SDK2: variants seen among roughly 807,000 people sequenced by gnomAD.
SDK2 encodes the protein protein sidekick-2.
Under a neutral mutation model 253.9 loss-of-function variants are expected in SDK2, and 105 were observed. The ratio of observed to expected loss-of-function variants is 0.41; its 90% CI spans 0.35 to 0.49. The LOEUF is 0.49. SDK2 is among the 20% of genes least tolerant of loss of function. SDK2 has a pLI of 0.06. For synonymous variants in SDK2, 1,249 were observed against 1,234.9 expected, an observed-to-expected ratio of 1.01 and a Z score of -0.24; for missense variants, 2,608 against 3,003.0, an observed-to-expected ratio of 0.87 and a Z score of 3.07.
At chr17:73,539,557 T>C (rs982169036) in intron 1 of SDK2, among the ~76,000 whole-genome samples, 1 of 151,972 alleles carries the variant, frequency 6.6e-6, no homozygotes, top group African/African-American at 2.4e-5. Context: ...CAAGGACCCT[T>C]TGGTGAAAGC....
chr17:73,496,387 G>A lies in SDK2; in HGVS notation c.224+11051C>T, dbSNP rs1368559959. Among the ~76,000 whole-genome samples the A allele has an allele frequency of 6.6e-6, 1 of 152,176 alleles. No homozygotes were observed. The highest frequency in any genetic ancestry group is 2.4e-5 in the African/African-American group (1 of 41,448). On this transcript the variant is annotated intron_variant, in intron 2 of 44. Coordinates refer to ENST00000392650, the MANE Select transcript of SDK2 (RefSeq NM_001144952.2). The surrounding 1 kb of genome is among the most constrained non-coding windows in gnomAD (Gnocchi z 4.7). ...AGGTGGGATGCTGGGGCTGGATCTG[G>A]GAAGATAAACAACGGTTTGCCAGGT...
At chr17:73,584,529 G>A (rs920136967) in intron 1 of SDK2, among the ~76,000 whole-genome samples, 3 of 152,200 alleles carry the variant, frequency 2.0e-5, no homozygotes, top group African/African-American at 4.8e-5. Flanking sequence ...CCTGCTCTCC[G>A]ACTGTAGGAG....
intron 1 of SDK2, among the ~76,000 whole-genome samples, chr17:73,634,731 G>A (rs138989734): frequency 5.3e-4 from 81 of 152,310 alleles, no homozygotes; most frequent in South Asian, 1.9e-3. Context: ...GGCCCCAAAC[G>A]GACCTTGCTT....
At chr17:73,605,475 T>G (rs576357223) in intron 1 of SDK2, among the ~76,000 whole-genome samples, 1 of 152,028 alleles carries the variant, frequency 6.6e-6, no homozygotes, top group African/African-American at 2.4e-5. Context: ...GGGTTCTTCA[T>G]GTCTTGGAGA....
At chr17:73,502,303 G>A (rs1311848870) in intron 2 of SDK2, among the ~76,000 whole-genome samples, 1 of 152,198 alleles carries the variant, frequency 6.6e-6, no homozygotes, top group Non-Finnish European at 1.5e-5. Context: ...CTTACTCAGA[G>A]CCTGGGGTTT....
Position 73,609,427 on chromosome 17 carries a change from G to A in SDK2, c.64+34598C>T, listed in dbSNP as rs770834346. On this transcript the variant is annotated intron_variant, in intron 1 of 44. Transcript: ENST00000392650. The surrounding 1 kb of genome is among the most constrained non-coding windows in gnomAD (Gnocchi z 4.4). ...AGAGAAGACCACGATGGACCTAGTC[G>A]CAGGGCTGAGAACCAGCCCCAGCAG... Among the ~76,000 whole-genome samples the A allele has an allele frequency of 5.3e-5, 8 of 152,148 alleles. No individual in the cohort carries two copies. Among genetic ancestry groups the A allele is most frequent in the Non-Finnish European group, 2.9e-5 (2 of 68,034 alleles).
At chr17:73,421,072 C>A (rs2063225884) in intron 15 of SDK2, among the ~76,000 whole-genome samples, 3 of 152,204 alleles carry the variant, frequency 2.0e-5, no homozygotes. Flanking sequence ...AGGGTAGCTT[C>A]CCCTACACTT....
chr17:73,421,087 C>CCT (rs1224300606), intron 15 of SDK2, among the ~76,000 whole-genome samples: 1 of 152,360 alleles, frequency 6.6e-6, no homozygotes, highest in East Asian at 1.9e-4. Context: ...ACACTTTCAG[C>CCT]CTCTCTGTTG....
intron 1 of SDK2, among the ~76,000 whole-genome samples, chr17:73,539,898 C>T (rs562351175): frequency 6.6e-6 from 1 of 151,382 alleles, no homozygotes; most frequent in Non-Finnish European, 1.5e-5. Flanking sequence ...GCGGCCCCCA[C>T]CAGAGACGGG....
At position 73,601,170 on chromosome 17, in the gene SDK2, C is replaced by G. The variant is rs552067146; in HGVS notation, c.64+42855G>C. Reference sequence around the variant, plus strand: ...GAGTAGCTGGGAATACAGGCATGCACCACCACGCCCAGCTAATTTTTGTAT... The same window carrying G: ...GAGTAGCTGGGAATACAGGCATGCAGCACCACGCCCAGCTAATTTTTGTAT... On this transcript the variant is annotated intron_variant, in intron 1 of 44. Coordinates refer to ENST00000392650, the MANE Select transcript of SDK2 (RefSeq NM_001144952.2). 2.8e-4 allele frequency among the ~76,000 whole-genome samples: 42 copies of G among 152,026 alleles called. No homozygotes were observed. In the East Asian group the frequency reaches 5.4e-3, roughly 20 times the overall value.
At position 73,350,889 on chromosome 17, in the gene SDK2, G is replaced by C. The variant is rs193000910; in HGVS notation, c.5759-99C>G. On this transcript the variant is annotated intron_variant, in intron 41 of 44. Coordinates refer to ENST00000392650, the MANE Select transcript of SDK2 (RefSeq NM_001144952.2). ...CCCTACTAACTGCTACAATCTATGG[G>C]AAGGCAGGGTCTGTACCCTCCGAAT... is the stretch of plus-strand genomic sequence containing the variant. The C allele has an allele frequency of 2.5e-5, 32 of 1,269,470 alleles. No homozygotes were observed. The African/African-American group carries it at 3.8e-4, about 15-fold the overall frequency. 78.6% of individuals were successfully genotyped at this position (1,269,470 alleles called of 1,614,324 possible).
At chr17:73,493,702 C>G (rs1244244916) in intron 2 of SDK2, among the ~76,000 whole-genome samples, 2 of 152,206 alleles carry the variant, frequency 1.3e-5, no homozygotes, top group Non-Finnish European at 2.9e-5. Context: ...ATCCTCACAG[C>G]CCTCCTTGTG....
intron 44 of SDK2, among the ~76,000 whole-genome samples, 154 bp downstream of exon 44, chr17:73,348,445 G>A (rs4969105): frequency 0.98 from 148,793 of 152,300 alleles, 72,782 homozygotes; most frequent in Middle Eastern, 1. Flanking sequence ...GGAGGGGACA[G>A]ATGGCCCATA....
At chr17:73,348,747 G>A in intron 43 of SDK2, 22 bp from the exon 44 acceptor site, 1 of 1,598,016 alleles carries the variant, frequency 6.3e-7, no homozygotes, top group Non-Finnish European at 8.5e-7. Flanking sequence ...GGGGGAGTGG[G>A]GCCGAGAGGT....
chr17:73,588,358 G>A (rs2045633674), intron 1 of SDK2, among the ~76,000 whole-genome samples: 1 of 130,600 alleles, frequency 7.7e-6, no homozygotes, highest in Non-Finnish European at 1.5e-5. Context: ...TTGCACACCA[G>A]CCTGGGCAAC....
intron 2 of SDK2, 85 bp from the exon 3 acceptor site, chr17:73,472,303 G>A (rs752552689): frequency 4.4e-5 from 39 of 878,316 alleles, no homozygotes; most frequent in African/African-American, 3.8e-4. Context: ...GTCAGAGGTC[G>A]CCAGGTCACC....
chr17:73,502,846 G>A (rs778780983), intron 2 of SDK2, among the ~76,000 whole-genome samples: 1 of 152,212 alleles, frequency 6.6e-6, no homozygotes, highest in East Asian at 1.9e-4. Context: ...ATAACGAAGG[G>A]AAGAAGATAC....
At chr17:73,401,526 G>T in intron 20 of SDK2, 128 bp downstream of exon 20, 1 of 891,934 alleles carries the variant, frequency 1.1e-6, no homozygotes, top group Non-Finnish European at 1.8e-6. Context: ...CCTGTGAGTG[G>T]TTTCTAAGAA....
At chr17:73,408,242 G>A (rs1334790229) in intron 18 of SDK2, among the ~76,000 whole-genome samples, 1 of 148,596 alleles carries the variant, frequency 6.7e-6, no homozygotes, top group Non-Finnish European at 1.5e-5. Context: ...TTTTGAGATG[G>A]AGTCTCGCTC....
Sources: gnomAD v4.1 joint callset for allele counts (sites outside exome capture counted in the v4.1 genomes callset) on GRCh38, gnomAD v4.1.1 for gene constraint, Gnocchi (gnomAD v3.1) non-coding constraint, MANE v1.5 for transcripts, NCBI Gene and HGNC (gene_info 2026-07-23, HGNC 2026-07-21) for gene names.